Variants in GRIA4 observed in about 807,000 individuals in gnomAD.
The protein encoded by GRIA4 is glutamate receptor 4.
A neutral mutation model predicts 104.0 loss-of-function variants in GRIA4; 34 were observed. The ratio of observed to expected loss-of-function variants is 0.33; its 90% CI spans 0.25 to 0.44. GRIA4 has a LOEUF of 0.44. Among genes scored for constraint, GRIA4 ranks in the 20% least tolerant of loss-of-function variants. The pLI is 1.00. For synonymous variants in GRIA4, 386 were observed against 381.9 expected (o/e 1.01, Z -0.13); for missense variants, 750 against 1,096.5 (o/e 0.68, Z 4.46).
At chr11:105,972,095 AG>A in intron 15 of GRIA4, 67 bp downstream of exon 15, 1 of 924,246 alleles carries the variant, frequency 1.1e-6, no homozygotes. Flanking sequence ...AATTGTCAAA[AG>A]TATATGGAAA....
At chr11:105,855,329 C>A (rs2135999739) in intron 4 of GRIA4, among the ~76,000 whole-genome samples, 1 of 152,242 alleles carries the variant, frequency 6.6e-6, no homozygotes, top group African/African-American at 2.4e-5. Flanking sequence ...TAATATTAGA[C>A]AAAGACCTTG....
At chr11:105,918,497 G>T (rs984832498) in intron 10 of GRIA4, among the ~76,000 whole-genome samples, 4 of 152,086 alleles carry the variant, frequency 2.6e-5, no homozygotes, top group Non-Finnish European at 5.9e-5. Flanking sequence ...GAAATTTAAA[G>T]ATTTCAGTTT....
intron 4 of GRIA4, among the ~76,000 whole-genome samples, chr11:105,813,916 T>C (rs1356463923): frequency 6.6e-6 from 1 of 152,148 alleles, no homozygotes; most frequent in Non-Finnish European, 1.5e-5. Flanking sequence ...GTTGCTTTAA[T>C]AGGTGGTCCT....
At chr11:105,661,655 C>T (rs977918265) in intron 3 of GRIA4, among the ~76,000 whole-genome samples, 11 of 146,926 alleles carry the variant, frequency 7.5e-5, no homozygotes, top group Admixed American at 2.8e-4. Flanking sequence ...AATTACATCT[C>T]GACTTTGTTT....
At chr11:105,856,148 G>T (rs771931201) in intron 4 of GRIA4, among the ~76,000 whole-genome samples, 1 of 151,942 alleles carries the variant, frequency 6.6e-6, no homozygotes, top group Non-Finnish European at 1.5e-5. Flanking sequence ...TTCTCACCTG[G>T]ATTACTACCA....
chr11:105,786,074 G>A (rs920592968), intron 4 of GRIA4, among the ~76,000 whole-genome samples: 3 of 150,544 alleles, frequency 2.0e-5, no homozygotes, highest in Non-Finnish European at 4.4e-5. Context: ...GACCCCGGGA[G>A]GTGGAGGTGG....
chr11:105,776,492 A>T (rs996793492), intron 4 of GRIA4, among the ~76,000 whole-genome samples: 12 of 152,200 alleles, frequency 7.9e-5, no homozygotes, highest in African/African-American at 2.9e-4. Context: ...GATTCATAAA[A>T]CAGATGGTTT....
chr11:105,945,172 CT>C (rs753894048), intron 14 of GRIA4, among the ~76,000 whole-genome samples: 2 of 152,124 alleles, frequency 1.3e-5, no homozygotes, highest in Non-Finnish European at 2.9e-5. Flanking sequence ...TTCACTCCAG[CT>C]GAAAAAATTA....
chr11:105,918,954 T>C (rs902118631), intron 11 of GRIA4, 36 bp downstream of exon 11: 1 of 1,227,568 alleles, frequency 8.1e-7, no homozygotes, highest in Admixed American at 1.7e-5. Flanking sequence ...TTTACTTACA[T>C]ACACCTGAAA....
chr11:105,915,874 A>T (rs942664215), intron 10 of GRIA4, among the ~76,000 whole-genome samples: 2 of 152,142 alleles, frequency 1.3e-5, no homozygotes, highest in Admixed American at 1.3e-4. Flanking sequence ...AGCTTCAAAA[A>T]TTTCCAGATA....
chr11:105,741,209 G>A (rs1223169308), intron 3 of GRIA4, among the ~76,000 whole-genome samples: 1 of 152,142 alleles, frequency 6.6e-6, no homozygotes, highest in Non-Finnish European at 1.5e-5. Context: ...AGATAGCCAT[G>A]TTTTCTGTTG....
intron 3 of GRIA4, among the ~76,000 whole-genome samples, chr11:105,724,324 C>CATAT (rs35915687): frequency 1.9e-4 from 28 of 150,792 alleles, no homozygotes; most frequent in South Asian, 4.2e-4. Context: ...TAAAATGTGA[C>CATAT]ATATATATAT....
At chr11:105,657,063 A>C (rs1951866553) in intron 3 of GRIA4, among the ~76,000 whole-genome samples, 1 of 152,000 alleles carries the variant, frequency 6.6e-6, no homozygotes, top group Admixed American at 6.6e-5. Flanking sequence ...TAAACCAATG[A>C]AGTTCAGTTT....
At chr11:105,884,198 C>T (rs778472300) in intron 5 of GRIA4, among the ~76,000 whole-genome samples, 31 of 152,244 alleles carry the variant, frequency 2.0e-4, no homozygotes, top group Non-Finnish European at 3.8e-4. Flanking sequence ...CTAAGCCAGC[C>T]ACACTTGTGT....
chr11:105,617,394 C>T (rs1308283235), intron 3 of GRIA4, among the ~76,000 whole-genome samples: 1 of 151,662 alleles, frequency 6.6e-6, no homozygotes, highest in Non-Finnish European at 1.5e-5. Context: ...TTACTTTCTT[C>T]CAAAGACTAT....
intron 6 of GRIA4, among the ~76,000 whole-genome samples, chr11:105,894,490 G>A (rs897139823): frequency 2.6e-5 from 4 of 152,114 alleles, no homozygotes; most frequent in Admixed American, 6.5e-5. Flanking sequence ...CATATAATAA[G>A]CTCAGCATAT....
chr11:105,655,946 T>C (rs1424814614), intron 3 of GRIA4, among the ~76,000 whole-genome samples: 1 of 152,098 alleles, frequency 6.6e-6, no homozygotes, highest in Non-Finnish European at 1.5e-5. Flanking sequence ...TACACTCCCA[T>C]CAACAGTGTA....
intron 3 of GRIA4, among the ~76,000 whole-genome samples, chr11:105,649,235 A>C (rs1002576430): frequency 2.0e-5 from 3 of 152,212 alleles, no homozygotes; most frequent in African/African-American, 4.8e-5. Flanking sequence ...ATTATAATAG[A>C]TCAGAGAGTT....
intron 12 of GRIA4, 138 bp from the exon 13 acceptor site, chr11:105,926,603 C>G (rs1947713933): frequency 1.6e-6 from 1 of 634,432 alleles, no homozygotes; most frequent in Non-Finnish European, 2.8e-6. Flanking sequence ...CAGAATCATT[C>G]TTGAGCAGAC....
Sources: gnomAD v4.1 joint callset for allele counts (sites outside exome capture counted in the v4.1 genomes callset) on GRCh38, gnomAD v4.1.1 for gene constraint, MANE v1.5 for transcripts, NCBI Gene and HGNC (gene_info 2026-07-23, HGNC 2026-07-21) for gene names.